ITGBL1: variants seen among roughly 807,000 people sequenced by gnomAD.
The protein encoded by ITGBL1 is integrin subunit beta like 1.
A neutral mutation model predicts 68.5 loss-of-function variants in ITGBL1; 51 were observed. The ratio of observed to expected loss-of-function variants is 0.74; its 90% CI spans 0.59 to 0.94. ITGBL1 has a LOEUF of 0.94. Among genes scored for constraint, ITGBL1 ranks in the 40% least tolerant of loss-of-function variants. The pLI is 0.00. For missense variants in ITGBL1, 649 were observed against 647.4 expected (o/e 1.00, Z -0.03); for synonymous variants, 209 against 227.3 (o/e 0.92, Z 0.72).
chr13:101,545,656 T>G (rs569526253), intron 2 of ITGBL1, among the ~76,000 whole-genome samples: 1 of 152,170 alleles, frequency 6.6e-6, no homozygotes, highest in East Asian at 1.9e-4. Flanking sequence ...ATTCAAAAGA[T>G]AAGGAAAAAA....
chr13:101,467,367 C>T (rs931435966), intron 2 of ITGBL1, among the ~76,000 whole-genome samples: 14 of 152,148 alleles, frequency 9.2e-5, no homozygotes, highest in Admixed American at 3.3e-4. Flanking sequence ...GTGGAAAAGT[C>T]TGGTACAGCT....
At chr13:101,500,435 T>G (rs2048923036) in intron 2 of ITGBL1, among the ~76,000 whole-genome samples, 2 of 152,232 alleles carry the variant, frequency 1.3e-5, no homozygotes, top group African/African-American at 4.8e-5. Context: ...TATTATTATA[T>G]CTGTGTGAAT....
intron 6 of ITGBL1, among the ~76,000 whole-genome samples, chr13:101,597,897 C>T (rs1265673930): frequency 6.6e-6 from 1 of 152,000 alleles, no homozygotes; most frequent in Non-Finnish European, 1.5e-5. Flanking sequence ...ATCACATGCA[C>T]CTGGAATTTG....
chr13:101,528,570 C>A (rs999499162), intron 2 of ITGBL1, among the ~76,000 whole-genome samples: 1 of 151,652 alleles, frequency 6.6e-6, no homozygotes, highest in Non-Finnish European at 1.5e-5. Flanking sequence ...TGATTTTTAG[C>A]ATTTTATTTT....
intron 7 of ITGBL1, among the ~76,000 whole-genome samples, chr13:101,674,189 C>T (rs2033444797): frequency 6.6e-6 from 1 of 152,254 alleles, no homozygotes; most frequent in East Asian, 1.9e-4. Flanking sequence ...CACATACACA[C>T]ACTCGCGTGC....
intron 2 of ITGBL1, among the ~76,000 whole-genome samples, chr13:101,464,328 G>A (rs563532917): frequency 6.6e-6 from 1 of 152,110 alleles, no homozygotes; most frequent in South Asian, 2.1e-4. Context: ...TTCACAAGGA[G>A]TTTAGTTATT....
At chr13:101,498,124 G>A (rs1356919390) in intron 2 of ITGBL1, among the ~76,000 whole-genome samples, 1 of 151,552 alleles carries the variant, frequency 6.6e-6, no homozygotes, top group Non-Finnish European at 1.5e-5. Context: ...AATTTTTGTT[G>A]CACTTTTTCT....
At chr13:101,634,505 AC>A (rs1219769477) in intron 7 of ITGBL1, among the ~76,000 whole-genome samples, 1 of 152,182 alleles carries the variant, frequency 6.6e-6, no homozygotes, top group Non-Finnish European at 1.5e-5. Flanking sequence ...AAAGTAAGAT[AC>A]TTTTCCAGTG....
At chr13:101,529,367 A>G (rs2049434455) in intron 2 of ITGBL1, among the ~76,000 whole-genome samples, 1 of 152,178 alleles carries the variant, frequency 6.6e-6, no homozygotes, top group Non-Finnish European at 1.5e-5. Flanking sequence ...TACGTGTTGA[A>G]ACAGCATACC....
At chr13:101,569,220 G>T (rs111856774) in intron 3 of ITGBL1, among the ~76,000 whole-genome samples, 1 of 151,908 alleles carries the variant, frequency 6.6e-6, no homozygotes, top group Non-Finnish European at 1.5e-5. Flanking sequence ...TTTTGGGTTT[G>T]AAATCTATTT....
intron 2 of ITGBL1, among the ~76,000 whole-genome samples, chr13:101,563,057 T>A: frequency 6.6e-6 from 1 of 151,346 alleles, no homozygotes; most frequent in East Asian, 1.9e-4. Flanking sequence ...AAAAATATTT[T>A]AATGAATGAA....
At position 101,599,932 on chromosome 13, in the gene ITGBL1, T is replaced by C. The variant is rs776491760; in HGVS notation, c.1015+1633T>C. 8.4e-3 allele frequency among the ~76,000 whole-genome samples: 1,285 copies of C among 152,300 alleles called. 9 individuals carry two copies. Among genetic ancestry groups the C allele is most frequent in the Non-Finnish European group, 0.015 (1,002 of 68,020 alleles). Reference sequence around the variant, plus strand: ...CTTGGCAATGTGGGCTCTTTTTTGGTTCCATATGAACTTTAAAGTAGTTTT... The same window carrying C: ...CTTGGCAATGTGGGCTCTTTTTTGGCTCCATATGAACTTTAAAGTAGTTTT... On this transcript the variant is annotated intron_variant, in intron 7 of 10. Coordinates refer to ENST00000376180, the MANE Select transcript of ITGBL1 (RefSeq NM_004791.3).
At chr13:101,655,948 G>A (rs2032907681) in intron 7 of ITGBL1, among the ~76,000 whole-genome samples, 1 of 152,122 alleles carries the variant, frequency 6.6e-6, no homozygotes, top group African/African-American at 2.4e-5. Context: ...ATGTGTCGAA[G>A]GTACAGCTTG....
chr13:101,484,126 CA>C (rs542978623), intron 2 of ITGBL1, among the ~76,000 whole-genome samples: 7 of 150,728 alleles, frequency 4.6e-5, no homozygotes, highest in African/African-American at 9.7e-5. Flanking sequence ...TTGCAAATAC[CA>C]AAAAAAATGA....
chr13:101,717,641 A>G (rs2034775090), downstream of ITGBL1: 1 of 151,634 alleles, frequency 6.6e-6, no homozygotes, highest in African/African-American at 2.4e-5. Flanking sequence ...TTTACGGACC[A>G]CGTACGTCCC....
chr13:101,633,917 CAG>C (rs1323642338), intron 7 of ITGBL1, among the ~76,000 whole-genome samples: 2 of 152,018 alleles, frequency 1.3e-5, no homozygotes, highest in Non-Finnish European at 2.9e-5. Context: ...ATAAGGTTTA[CAG>C]AGAGTTGACA....
chr13:101,711,925 CAG>C (rs1040588223), intron 9 of ITGBL1: 2 of 152,310 alleles, frequency 1.3e-5, no homozygotes, highest in African/African-American at 2.4e-5. Context: ...GGCTGGGTCT[CAG>C]GGGTGTGAGT....
At chr13:101,638,633 G>T (rs2139424976) in intron 7 of ITGBL1, among the ~76,000 whole-genome samples, 1 of 152,062 alleles carries the variant, frequency 6.6e-6, no homozygotes, top group African/African-American at 2.4e-5. Flanking sequence ...CAAGCGAAAG[G>T]GATTTCCCTT....
At chr13:101,660,256 T>G (rs1447893575) in intron 7 of ITGBL1, among the ~76,000 whole-genome samples, 2 of 152,106 alleles carry the variant, frequency 1.3e-5, no homozygotes, top group African/African-American at 4.8e-5. Context: ...AAAGATAGTT[T>G]GGTGGATAGG....
Sources: gnomAD v4.1 joint callset for allele counts (sites outside exome capture counted in the v4.1 genomes callset) on GRCh38, gnomAD v4.1.1 for gene constraint, MANE v1.5 for transcripts, NCBI Gene and HGNC (gene_info 2026-07-23, HGNC 2026-07-21) for gene names.